CDH4: variants seen among roughly 807,000 people sequenced by gnomAD.
CDH4 encodes cadherin-4.
CDH4 carries 33 observed loss-of-function variants against 86.0 expected under a neutral mutation model. The observed-to-expected ratio is 0.38, with a 90% CI of 0.29 to 0.51. The LOEUF is 0.51. CDH4 is among the 20% of genes least tolerant of loss of function. CDH4 has a pLI of 0.86. For missense variants in CDH4, 1,114 were observed against 1,307.4 expected (o/e 0.85, Z 2.28); for synonymous variants, 555 against 549.4 (o/e 1.01, Z -0.14).
chr20:61,520,634 T>C (rs1342554954), intron 2 of CDH4, among the ~76,000 whole-genome samples: 2 of 152,304 alleles, frequency 1.3e-5, no homozygotes, highest in South Asian at 4.2e-4. Flanking sequence ...GCGCATAGTT[T>C]CCTCTTTCAT....
chr20:61,528,620 AAG>A (rs1267497866), intron 2 of CDH4, among the ~76,000 whole-genome samples: 2 of 152,082 alleles, frequency 1.3e-5, no homozygotes, highest in African/African-American at 2.4e-5. Context: ...AAGAAAAGGA[AAG>A]AAGAGAAGAG....
intron 4 of CDH4, among the ~76,000 whole-genome samples, chr20:61,838,338 G>T (rs574317479): frequency 6.6e-6 from 1 of 152,166 alleles, no homozygotes; most frequent in East Asian, 1.9e-4. Flanking sequence ...GGGAGCCCTC[G>T]GCTGTGCAAT....
chr20:61,553,994 A>G (rs1243311727), intron 2 of CDH4, among the ~76,000 whole-genome samples: 1 of 152,196 alleles, frequency 6.6e-6, no homozygotes, highest in Non-Finnish European at 1.5e-5. Flanking sequence ...GGAGCTGGTC[A>G]GTGATTTCCA....
chr20:61,620,609 A>C (rs1247050424), intron 2 of CDH4, among the ~76,000 whole-genome samples: 1 of 152,242 alleles, frequency 6.6e-6, no homozygotes, highest in Non-Finnish European at 1.5e-5. Flanking sequence ...CAGGAAAAAT[A>C]GTGGTGAAAA....
chr20:61,704,231 C>T (rs1052726609), intron 2 of CDH4, among the ~76,000 whole-genome samples: 2 of 152,180 alleles, frequency 1.3e-5, no homozygotes, highest in East Asian at 1.9e-4. Context: ...CAAGGTGCTG[C>T]GAGGAAGGCA....
At chr20:61,609,184 G>A (rs1164057569) in intron 2 of CDH4, among the ~76,000 whole-genome samples, 1 of 152,210 alleles carries the variant, frequency 6.6e-6, no homozygotes, top group South Asian at 2.1e-4. Flanking sequence ...ATGTCTCTCT[G>A]AATCATCGTT....
At chr20:61,698,054 G>A (rs1003843578) in intron 2 of CDH4, among the ~76,000 whole-genome samples, 2 of 152,190 alleles carry the variant, frequency 1.3e-5, no homozygotes, top group South Asian at 4.1e-4. Context: ...CACCATCTTG[G>A]GCCTGTCTCA....
chr20:61,849,725 C>T (rs1295279886), intron 5 of CDH4, among the ~76,000 whole-genome samples: 2 of 152,186 alleles, frequency 1.3e-5, no homozygotes, highest in Non-Finnish European at 2.9e-5. Context: ...GTGTCTCCTC[C>T]ACTGTCACCC....
At chr20:61,820,543 C>T (rs1215031703) in intron 4 of CDH4, among the ~76,000 whole-genome samples, 1 of 152,258 alleles carries the variant, frequency 6.6e-6, no homozygotes, top group East Asian at 1.9e-4. Flanking sequence ...ACGTCACCCT[C>T]ACAGCAGTCC....
chr20:61,855,857 T>G (rs1982975467), intron 6 of CDH4, among the ~76,000 whole-genome samples: 1 of 152,182 alleles, frequency 6.6e-6, no homozygotes, highest in South Asian at 2.1e-4. Flanking sequence ...TTTCCAGGAC[T>G]ATGTTGAGTG....
chr20:61,287,975 G>A (rs1033792761), intron 2 of CDH4, among the ~76,000 whole-genome samples: 11 of 152,164 alleles, frequency 7.2e-5, no homozygotes, highest in African/African-American at 1.9e-4. Flanking sequence ...AAATCAGCAC[G>A]AGGGCTATGT....
chr20:61,509,347 G>A (rs1346567256), intron 2 of CDH4, among the ~76,000 whole-genome samples: 6 of 151,858 alleles, frequency 4.0e-5, no homozygotes, highest in Admixed American at 6.6e-5. Context: ...ATATTAACAC[G>A]GGAGAAGTGA....
Position 61,479,893 on chromosome 20 carries a change from T to C in CDH4, c.169+224956T>C, listed in dbSNP as rs117878179. On this transcript the variant is annotated intron_variant, in intron 2 of 15. Coordinates refer to ENST00000614565, the MANE Select transcript of CDH4 (RefSeq NM_001794.5). ...TGGCCATTTCTGTTTTTGATAATTA[T>C]GTTTTCTCCGGCTGTTTCATTTTAG... Among the ~76,000 whole-genome samples the C allele has an allele frequency of 1.3e-4, 20 of 152,360 alleles. No homozygotes were observed. In the East Asian group the frequency reaches 3.5e-3, roughly 26 times the overall value.
intron 2 of CDH4, among the ~76,000 whole-genome samples, chr20:61,543,119 G>A (rs2086052891): frequency 6.6e-6 from 1 of 152,208 alleles, no homozygotes; most frequent in Non-Finnish European, 1.5e-5. Context: ...TTCTAGCCAC[G>A]CTGGCAGCTG....
At chr20:61,395,001 A>G (rs1397008913) in intron 2 of CDH4, among the ~76,000 whole-genome samples, 1 of 149,378 alleles carries the variant, frequency 6.7e-6, no homozygotes, top group African/African-American at 2.5e-5. Flanking sequence ...TGTGGCTCCT[A>G]GGCTGGAGGT....
chr20:61,842,514 G>A (rs1399078134), intron 4 of CDH4, among the ~76,000 whole-genome samples: 1 of 152,198 alleles, frequency 6.6e-6, no homozygotes, highest in Non-Finnish European at 1.5e-5. Context: ...ATCTCCAGGT[G>A]TGTGTTCTCT....
At chr20:61,397,348 T>C (rs929448705) in intron 2 of CDH4, among the ~76,000 whole-genome samples, 1 of 150,760 alleles carries the variant, frequency 6.6e-6, no homozygotes, top group Non-Finnish European at 1.5e-5. Context: ...TTTTCCCCAA[T>C]GGGGTGGTGG....
intron 2 of CDH4, among the ~76,000 whole-genome samples, chr20:61,437,731 G>T (rs1052637365): frequency 9.2e-5 from 14 of 152,300 alleles, no homozygotes; most frequent in Middle Eastern, 6.9e-3. Context: ...CCACTTAAAA[G>T]GACTTAGGTC....
Position 61,518,724 on chromosome 20 carries a change from A to T in CDH4, c.170-224839A>T, listed in dbSNP as rs1302192978. Reference sequence around the variant, plus strand: ...CTGTTGTTCAATCATCCATCCGTTCATCCACCCATCATCCATTCATCCATC... The same window carrying T: ...CTGTTGTTCAATCATCCATCCGTTCTTCCACCCATCATCCATTCATCCATC... On this transcript the variant is annotated intron_variant, in intron 2 of 15. Transcript: ENST00000614565. This position sits in a 1 kb window ranked among gnomAD's most constrained non-coding sequence, Gnocchi z 6.3. 6.6e-6 allele frequency among the ~76,000 whole-genome samples: 1 copy of T among 150,994 alleles called. No individual in the cohort carries two copies. Among genetic ancestry groups the T allele is most frequent in the Non-Finnish European group, 1.5e-5 (1 of 67,782 alleles).
Sources: allele counts gnomAD v4.1 joint callset (sites outside exome capture counted in the v4.1 genomes callset), GRCh38; gene constraint gnomAD v4.1.1; non-coding constraint Gnocchi (gnomAD v3.1); transcripts MANE v1.5; gene names NCBI Gene and HGNC (gene_info 2026-07-23, HGNC 2026-07-21).